CSF2RA: variants seen among roughly 807,000 people sequenced by gnomAD.
CSF2RA encodes the protein colony stimulating factor 2 receptor subunit alpha.
CSF2RA carries 42 observed loss-of-function variants against 51.6 expected under a neutral mutation model. That is an observed-to-expected ratio of 0.81 (90% CI 0.64 to 1.05). The LOEUF (loss-of-function observed/expected upper bound fraction) is 1.05. CSF2RA is among the 50% of genes least tolerant of loss of function. The probability of loss-of-function intolerance (pLI) is 0.00; values close to 1 mark genes in which losing one functional copy is unlikely to be tolerated. For synonymous variants in CSF2RA, 222 were observed against 193.0 expected, an observed-to-expected ratio of 1.15 and a Z score of -1.24; for missense variants, 530 against 501.1, an observed-to-expected ratio of 1.06 and a Z score of -0.55.
At chrX:1,315,336 CAG>C (rs2084530518), downstream of CSF2RA, among the ~76,000 whole-genome samples, 1 of 151,932 alleles carries the variant, frequency 6.6e-6, no homozygotes, top group South Asian at 2.1e-4. Context: ...GTATAGGTAA[CAG>C]ATAATAGCTA....
At chrX:1,301,245 T>A (rs758220906) in intron 10 of CSF2RA, among the ~76,000 whole-genome samples, 3 of 141,348 alleles carry the variant, frequency 2.1e-5, no homozygotes, top group African/African-American at 8.0e-5. Flanking sequence ...GGCAGGAGAA[T>A]GACTTGAACC....
At position 1,288,422 on chromosome X, in the gene CSF2RA, T is replaced by C. The variant is rs146643651; in HGVS notation, c.220-97T>C. The C allele has an allele frequency of 0.12, 127,124 of 1,071,350 alleles. 19,931 individuals are homozygous for C. The highest frequency in any genetic ancestry group is 0.26 in the East Asian group (9,462 of 36,742). The allele number at this position is 1,071,350 out of a possible 1,614,324, so 66.4% of individuals were successfully genotyped here. A position where few individuals can be genotyped will look rare whatever the true frequency, so the allele number is the denominator to read the frequency against. ...GCTTGAACCTGGAAGGCGGAGGTTG[T>C]AGTGAGCCGAGATCACGCCACTGCA... On this transcript the variant is annotated intron_variant, in intron 4 of 12. Coordinates refer to ENST00000381529, the MANE Select transcript of CSF2RA (RefSeq NM_172245.4).
chrX:1,305,543 C>G lies in CSF2RA; in HGVS notation c.1125+16C>G, dbSNP rs770517226. On this transcript the variant is annotated intron_variant, in intron 12 of 12. Transcript: ENST00000381529. ...GGAAGACGAGGTAGGCAGGGGTGGG[C>G]GGAGCAGTGACCTGGGATGGAAGGT... 1 of 1,613,850 alleles carries G rather than the reference C, an allele frequency of 6.2e-7. No individual in the cohort carries two copies. Among genetic ancestry groups the G allele is most frequent in the South Asian group, 1.1e-5 (1 of 91,064 alleles).
intron 1 of CSF2RA, among the ~76,000 whole-genome samples, chrX:1,272,319 G>A (rs1259684388): frequency 2.0e-5 from 3 of 150,956 alleles, no homozygotes; most frequent in Non-Finnish European, 4.4e-5. Flanking sequence ...ACCCCACAAT[G>A]AGGTTCAGAA....
downstream of CSF2RA, among the ~76,000 whole-genome samples, chrX:1,311,287 C>G (rs1160645016): frequency 3.3e-5 from 5 of 151,576 alleles, no homozygotes; most frequent in African/African-American, 9.7e-5. Flanking sequence ...AGGCTGGTAC[C>G]TCCTTCCCTG....
At chrX:1,324,384 AGAAG>A in the CSF2RA span, among the ~76,000 whole-genome samples, 5 of 147,318 alleles carry the variant, frequency 3.4e-5, no homozygotes, top group Middle Eastern at 3.4e-3. Context: ...AGAGAAAGAA[AGAAG>A]GAAGGAAGGA....
At chrX:1,279,431 C>G (rs1437228022) in intron 2 of CSF2RA, among the ~76,000 whole-genome samples, 2 of 152,012 alleles carry the variant, frequency 1.3e-5, no homozygotes, top group Non-Finnish European at 2.9e-5. Flanking sequence ...AGTGACTCAG[C>G]AGAGGGGGCC....
intron 12 of CSF2RA, among the ~76,000 whole-genome samples, chrX:1,309,176 G>A (rs538786330): frequency 4.6e-5 from 7 of 152,252 alleles, no homozygotes; most frequent in African/African-American, 1.7e-4. Context: ...AGTCAAATTT[G>A]TGGTGGCGGG....
the CSF2RA span, among the ~76,000 whole-genome samples, chrX:1,320,089 A>C: frequency 6.6e-6 from 1 of 151,642 alleles, no homozygotes; most frequent in East Asian, 2.0e-4. Flanking sequence ...TACAGACGGG[A>C]TTTCACCATG....
intron 2 of CSF2RA, among the ~76,000 whole-genome samples, chrX:1,277,583 A>G (rs28367040): frequency 0.24 from 25,681 of 105,732 alleles, 3,248 homozygotes; most frequent in East Asian, 0.35. Flanking sequence ...GCGATAGAGT[A>G]AGTCCATCTC....
At chrX:1,283,249 CTCCT>C (rs1390544091) in intron 3 of CSF2RA, among the ~76,000 whole-genome samples, 7 of 140,962 alleles carry the variant, frequency 5.0e-5, no homozygotes, top group Admixed American at 1.4e-4. Flanking sequence ...CCTTCCTTCT[CTCCT>C]TCCTTCCATC....
chrX:1,314,952 T>C (rs866420410), downstream of CSF2RA, among the ~76,000 whole-genome samples: 41 of 60,090 alleles, frequency 6.8e-4, 4 homozygotes, highest in African/African-American at 1.5e-3. Flanking sequence ...AACCCCTCTG[T>C]GCCTGCCCAA....
intron 1 of CSF2RA, among the ~76,000 whole-genome samples, chrX:1,273,159 G>T (rs1475516602): frequency 2.6e-5 from 4 of 151,880 alleles, no homozygotes; most frequent in Admixed American, 2.6e-4. Flanking sequence ...TATCTAAGAG[G>T]TCTGAGGAGG....
intron 4 of CSF2RA, among the ~76,000 whole-genome samples, chrX:1,286,927 C>G (rs753085706): frequency 1.3e-5 from 2 of 151,342 alleles, no homozygotes; most frequent in African/African-American, 2.4e-5. Context: ...GAGACAGAGA[C>G]AGAAGAGCGG....
chrX:1,268,986 A>G, intron 1 of CSF2RA, 107 bp downstream of exon 1: 2 of 418,192 alleles, frequency 4.8e-6, no homozygotes, highest in Non-Finnish European at 9.7e-6. Context: ...ACTGGAACAT[A>G]AGATTTCAAA....
chrX:1,309,554 G>A lies in CSF2RA; in HGVS notation c.*75G>A, dbSNP rs1187137464. On this transcript the variant is annotated 3_prime_UTR_variant, in exon 13 of 13. Coordinates refer to ENST00000381529, the MANE Select transcript of CSF2RA (RefSeq NM_172245.4). ...GGGGAACTGTTTTCTTGATGATGCT[G>A]TGAACCTTTATATCATTTTCTATGT... The A allele has an allele frequency of 2.5e-6, 4 of 1,613,838 alleles. No homozygotes were observed. Among genetic ancestry groups the A allele is most frequent in the South Asian group, 1.1e-5 (1 of 91,080 alleles).
chrX:1,322,805 AT>A, the CSF2RA span, among the ~76,000 whole-genome samples: 1 of 152,026 alleles, frequency 6.6e-6, no homozygotes, highest in Non-Finnish European at 1.5e-5. Context: ...TTATTTCAAA[AT>A]AAGGTCTTTG....
the CSF2RA span, among the ~76,000 whole-genome samples, chrX:1,315,804 TAGATAGA>T: frequency 0.036 from 3,170 of 87,056 alleles, 62 homozygotes; most frequent in Middle Eastern, 0.054. Context: ...GATAGATAGA[TAGATAGA>T]TAGATAGATT....
At chrX:1,309,964 C>G (rs1172161134), downstream of CSF2RA, 4 of 521,584 alleles carry the variant, frequency 7.7e-6, no homozygotes, top group Non-Finnish European at 1.3e-5. Context: ...AATCCTAACA[C>G]TTTGGAGGAT....
Sources: gnomAD v4.1 joint callset for allele counts (sites outside exome capture counted in the v4.1 genomes callset) on GRCh38, gnomAD v4.1.1 for gene constraint, MANE v1.5 for transcripts, NCBI Gene and HGNC (gene_info 2026-07-23, HGNC 2026-07-21) for gene names.